The following FAT1 variants were observed in gnomAD, a reference collection of about 807,000 sequenced individuals.
The protein encoded by FAT1 is protocadherin Fat 1.
Under a neutral mutation model 329.8 loss-of-function variants are expected in FAT1, and 171 were observed. The ratio of observed to expected loss-of-function variants is 0.52; its 90% CI spans 0.46 to 0.59. The LOEUF (loss-of-function observed/expected upper bound fraction) is 0.59. FAT1 is among the 20% of genes least tolerant of loss of function. FAT1 has a pLI of 0.00. For missense variants in FAT1, 5,672 were observed against 5,774.4 expected, an observed-to-expected ratio of 0.98 and a Z score of 0.57; for synonymous variants, 2,233 against 2,228.6, an observed-to-expected ratio of 1.00 and a Z score of -0.06.
intron 26 of FAT1, among the ~76,000 whole-genome samples, chr4:186,591,594 G>A (rs1738241825): frequency 6.6e-6 from 1 of 152,218 alleles, no homozygotes; most frequent in Admixed American, 6.5e-5. Context: ...TGAAGGAACT[G>A]TTGAAATTCT....
At chr4:186,706,290 G>A (rs982462971) in intron 2 of FAT1, among the ~76,000 whole-genome samples, 3 of 152,194 alleles carry the variant, frequency 2.0e-5, no homozygotes, top group African/African-American at 7.2e-5. Context: ...TTGGAGATCA[G>A]TATCAGTGAT....
At chr4:186,640,744 A>AT (rs1161894646) in intron 3 of FAT1, among the ~76,000 whole-genome samples, 1 of 152,246 alleles carries the variant, frequency 6.6e-6, no homozygotes, top group Non-Finnish European at 1.5e-5. Flanking sequence ...AACTGTCTGC[A>AT]TATTTTGGAA....
chr4:186,654,068 C>T (rs1379849888), intron 3 of FAT1, among the ~76,000 whole-genome samples: 1 of 152,182 alleles, frequency 6.6e-6, no homozygotes, highest in Admixed American at 6.5e-5. Context: ...CATTTACACC[C>T]AAATGCAAAG....
intron 1 of FAT1, among the ~76,000 whole-genome samples, chr4:186,712,197 A>C (rs1744993126): frequency 6.6e-6 from 1 of 152,212 alleles, no homozygotes; most frequent in African/African-American, 2.4e-5. Flanking sequence ...TGTTTATTTA[A>C]AAGAGAGGAG....
Position 186,597,231 on chromosome 4 carries a change from C to T in FAT1, c.12369-60G>A, listed in dbSNP as rs1738576925. On this transcript the variant is annotated intron_variant, in intron 24 of 26. Coordinates refer to ENST00000441802, the MANE Select transcript of FAT1 (RefSeq NM_005245.4). ...GTAGCATACGCCAGCGTATGTCAGG[C>T]TCAATCCTTAGAGACTGAAGACTAA... 10 of 1,472,110 alleles carry T rather than the reference C, an allele frequency of 6.8e-6. No homozygotes were observed. The East Asian group carries it at 1.2e-4, about 18-fold the overall frequency. 91.2% of individuals were successfully genotyped at this position (1,472,110 alleles called of 1,614,324 possible).
intron 3 of FAT1, among the ~76,000 whole-genome samples, chr4:186,655,746 A>G (rs1741872265): frequency 6.6e-6 from 1 of 152,208 alleles, no homozygotes; most frequent in African/African-American, 2.4e-5. Context: ...GTGCTCTTAA[A>G]AGCACAGCAT....
rs183343406 is a variant in FAT1 at position 186,621,745 on chromosome 4, G to A, written c.4841C>T (p.Pro1614Leu). Residue 1614 changes from proline (P) to leucine (L), a missense_variant, in exon 10 of 27, where the codon CCT (proline) becomes CTT (leucine). Pro to Leu is a moderately conservative substitution (Grantham distance 98, BLOSUM62 -3). Coordinates refer to ENST00000441802, the MANE Select transcript of FAT1 (RefSeq NM_005245.4). ...GGCAGTTTTAATAGAGCCCAAGACAGGATCAATCATAAAAGAATTTCCAAT... is the reference window on the plus strand; with the variant it reads ...GGCAGTTTTAATAGAGCCCAAGACAAGATCAATCATAAAAGAATTTCCAAT... ...GNIGNSFMID[P>L]VLGSIKTAKE... is the part of the protein sequence containing the mutation. 5,757 of 1,578,122 alleles carry A rather than the reference G, an allele frequency of 3.6e-3. 31 individuals carry two copies. Among genetic ancestry groups the A allele is most frequent in the South Asian group, 8.0e-3 (686 of 85,220 alleles).
chr4:186,717,226 T>G (rs1217983500), intron 1 of FAT1, among the ~76,000 whole-genome samples: 5 of 152,248 alleles, frequency 3.3e-5, no homozygotes, highest in Admixed American at 3.3e-4. Flanking sequence ...CTTTCATCCT[T>G]ACACTGAAAT....
At chr4:186,639,908 CA>C (rs753843898) in intron 3 of FAT1, 125 bp from the exon 4 acceptor site, 9 of 729,842 alleles carry the variant, frequency 1.2e-5, no homozygotes, top group South Asian at 1.9e-5. Flanking sequence ...TTGGGAGGCC[CA>C]GGGGGGTGGA....
chr4:186,667,811 T>C (rs1266474192), intron 2 of FAT1, among the ~76,000 whole-genome samples: 4 of 151,896 alleles, frequency 2.6e-5, no homozygotes, highest in African/African-American at 9.7e-5. Context: ...AGCCCTGGAG[T>C]GATGAGGAAA....
At chr4:186,713,091 T>C (rs1374457583) in intron 1 of FAT1, among the ~76,000 whole-genome samples, 2 of 151,928 alleles carry the variant, frequency 1.3e-5, no homozygotes, top group Non-Finnish European at 2.9e-5. Flanking sequence ...TTATACTAGA[T>C]ACAACTAACA....
intron 4 of FAT1, among the ~76,000 whole-genome samples, chr4:186,639,481 A>C (rs1255580745): frequency 6.6e-6 from 1 of 152,240 alleles, no homozygotes; most frequent in Non-Finnish European, 1.5e-5. Context: ...AAATACAAAG[A>C]TCTGAATCCG....
intron 9 of FAT1, among the ~76,000 whole-genome samples, chr4:186,623,008 CATT>C (rs768278209): frequency 1.3e-5 from 2 of 152,240 alleles, no homozygotes; most frequent in African/African-American, 4.8e-5. Context: ...TTCTCCACAT[CATT>C]AACAGGAAAC....
At chr4:186,605,136 A>C (rs1739041857) in intron 17 of FAT1, among the ~76,000 whole-genome samples, 1 of 150,048 alleles carries the variant, frequency 6.7e-6, no homozygotes, top group South Asian at 2.2e-4. Flanking sequence ...GAACTGTTTG[A>C]AGCCAGGAGG....
At chr4:186,608,536 A>T (rs938840933) in intron 16 of FAT1, among the ~76,000 whole-genome samples, 2 of 152,190 alleles carry the variant, frequency 1.3e-5, no homozygotes, top group Non-Finnish European at 1.5e-5. Flanking sequence ...GGAGGCCACC[A>T]CACCCGACAT....
At position 186,596,860 on chromosome 4, in the gene FAT1, A is replaced by G; in HGVS notation, c.12680T>C (p.Phe4227Ser). Residue 4227 changes from phenylalanine to serine, a missense_variant, in exon 25 of 27, where the codon TTC becomes TCC. Physicochemically the swap from Phe to Ser is radical, Grantham distance 155. Transcript: ENST00000441802. The surrounding 1 kb of genome is among the most constrained non-coding windows in gnomAD (Gnocchi z 4.7). Reference protein sequence around the residue: ...KDKHLGPATAFLQRPYFDSKL... With the variant: ...KDKHLGPATASLQRPYFDSKL... ...GGAATCAAAATACGGTCTTTGCAAGAAAGCCGTAGCGGGTCCCAGGTGCTT... is the reference window on the plus strand; with the variant it reads ...GGAATCAAAATACGGTCTTTGCAAGGAAGCCGTAGCGGGTCCCAGGTGCTT... 1 of 1,614,028 alleles carries G rather than the reference A, an allele frequency of 6.2e-7. No homozygotes were observed. Among genetic ancestry groups the G allele is most frequent in the Non-Finnish European group, 8.5e-7 (1 of 1,179,902 alleles).
chr4:186,609,385 T>C lies in FAT1; in HGVS notation c.10069-65A>G, dbSNP rs1739289517. 31 of 1,536,944 alleles carry C rather than the reference T, an allele frequency of 2.0e-5. No homozygotes were observed. The South Asian group carries it at 3.7e-4, about 18-fold the overall frequency. Reference sequence around the variant, plus strand: ...AGAGGCCTAAACCTATTACACAAAATTTGTGATATTAATAGCTTAGCTGTT... The same window carrying C: ...AGAGGCCTAAACCTATTACACAAAACTTGTGATATTAATAGCTTAGCTGTT... On this transcript the variant is annotated intron_variant, in intron 15 of 26. Transcript: ENST00000441802.
chr4:186,593,083 CT>C (rs1385234687), intron 26 of FAT1, among the ~76,000 whole-genome samples: 2 of 152,188 alleles, frequency 1.3e-5, no homozygotes, highest in African/African-American at 2.4e-5. Context: ...ATTTTAACAT[CT>C]TACAGGCAAG....
chr4:186,617,624 T>A, intron 10 of FAT1, 84 bp downstream of exon 10: 1 of 1,146,116 alleles, frequency 8.7e-7, no homozygotes, highest in South Asian at 1.9e-5. Context: ...AAATCCCCAA[T>A]TTCCATACAA....
Sources: allele counts gnomAD v4.1 joint callset (sites outside exome capture counted in the v4.1 genomes callset), GRCh38; gene constraint gnomAD v4.1.1; non-coding constraint Gnocchi (gnomAD v3.1); transcripts MANE v1.5; gene names NCBI Gene and HGNC (gene_info 2026-07-23, HGNC 2026-07-21).